Variants in CFAP221 observed in about 807,000 individuals in gnomAD.
CFAP221 encodes the protein cilia and flagella associated protein 221, also known as cilia- and flagella-associated protein 221.
Under a neutral mutation model 113.1 loss-of-function variants are expected in CFAP221, and 97 were observed. The ratio of observed to expected loss-of-function variants is 0.86; its 90% CI spans 0.73 to 1.02. The LOEUF (loss-of-function observed/expected upper bound fraction) is 1.02. Ranked by LOEUF, CFAP221 falls within the 50% of genes least tolerant of loss-of-function variation. The probability of loss-of-function intolerance (pLI) is 0.00; values close to 1 mark genes in which losing one functional copy is unlikely to be tolerated. For synonymous variants in CFAP221, 331 were observed against 354.4 expected (o/e 0.93, Z 0.74); for missense variants, 1,025 against 1,013.4 (o/e 1.01, Z -0.16).
At chr2:119,566,150 A>G (rs1256422125) in intron 6 of CFAP221, among the ~76,000 whole-genome samples, 1 of 152,132 alleles carries the variant, frequency 6.6e-6, no homozygotes, top group Non-Finnish European at 1.5e-5. Context: ...GGAGGAGGAC[A>G]TGCCTGAGCT....
At chr2:119,573,230 T>C (rs1349125705) in intron 6 of CFAP221, 1 of 152,178 alleles carries the variant, frequency 6.6e-6, no homozygotes, top group African/African-American at 2.4e-5. Context: ...TGTAACTGGG[T>C]TAAAATGCAG....
intron 21 of CFAP221, 24 bp from the exon 22 acceptor site, chr2:119,646,933 GA>G: frequency 6.3e-7 from 1 of 1,587,170 alleles, no homozygotes. Context: ...CTCTATCTTT[GA>G]CTGCTTGTGT....
At chr2:119,558,459 C>T (rs899545103) in intron 3 of CFAP221, among the ~76,000 whole-genome samples, 4 of 152,114 alleles carry the variant, frequency 2.6e-5, no homozygotes, top group Non-Finnish European at 5.9e-5. Context: ...GAAGATACAC[C>T]AAAACAGGGT....
At chr2:119,557,593 C>CCTTTCTGCTA (rs1212399039) in intron 3 of CFAP221, among the ~76,000 whole-genome samples, 3 of 152,174 alleles carry the variant, frequency 2.0e-5, no homozygotes, top group African/African-American at 7.2e-5. Flanking sequence ...TTCTGAGTAT[C>CCTTTCTGCTA]CTTTCTGCTA....
intron 22 of CFAP221, among the ~76,000 whole-genome samples, chr2:119,648,844 C>G (rs1687961261): frequency 6.6e-6 from 1 of 152,160 alleles, no homozygotes; most frequent in South Asian, 2.1e-4. Context: ...GCTGCTTTAC[C>G]AAAAGCCAGA....
At chr2:119,631,802 A>G (rs1574189682) in intron 19 of CFAP221, among the ~76,000 whole-genome samples, 1 of 152,222 alleles carries the variant, frequency 6.6e-6, no homozygotes. Context: ...GGCACAAATT[A>G]CCAATGTCAG....
chr2:119,605,288 TG>T lies in CFAP221; in HGVS notation c.1133+1del. On this transcript the variant is annotated frameshift_variant and splice_region_variant, in exon 11 of 24. Transcript: ENST00000413369. LOFTEE classifies it high-confidence loss of function. ...CGAAGAGATGGAAAATCATCTTAAG[TG>T]GTAAATATTGAGCAATTGTTTGTAT... is the stretch of plus-strand genomic sequence containing the variant. ...IHEEMENHLK[W>X]QVHLGKDPMS... 1 of 1,603,938 alleles carries T rather than the reference TG, an allele frequency of 6.2e-7. No individual in the cohort carries two copies. The highest frequency in any genetic ancestry group is 8.5e-7 in the Non-Finnish European group (1 of 1,170,824).
At chr2:119,584,163 A>T (rs933040449) in intron 6 of CFAP221, among the ~76,000 whole-genome samples, 2 of 152,214 alleles carry the variant, frequency 1.3e-5, no homozygotes, top group Non-Finnish European at 2.9e-5. Context: ...CAAAACAATG[A>T]TTGATAAAAC....
At chr2:119,608,764 T>C (rs1476123858) in intron 12 of CFAP221, among the ~76,000 whole-genome samples, 175 bp downstream of exon 12, 1 of 152,208 alleles carries the variant, frequency 6.6e-6, no homozygotes, top group African/African-American at 2.4e-5. Flanking sequence ...ACCAGAGACC[T>C]ATACTAAGTT....
At chr2:119,593,691 T>C (rs1025228377) in intron 7 of CFAP221, among the ~76,000 whole-genome samples, 2 of 151,988 alleles carry the variant, frequency 1.3e-5, no homozygotes, top group African/African-American at 4.8e-5. Flanking sequence ...TACAAAAAAT[T>C]AGCCAGGCGT....
At chr2:119,654,426 A>T (rs1688310397) in intron 23 of CFAP221, among the ~76,000 whole-genome samples, 1 of 152,082 alleles carries the variant, frequency 6.6e-6, no homozygotes, top group East Asian at 1.9e-4. Context: ...TCTACTTCAA[A>T]TATTACCTCT....
chr2:119,595,645 C>T (rs1180702733), intron 7 of CFAP221, among the ~76,000 whole-genome samples: 1 of 152,098 alleles, frequency 6.6e-6, no homozygotes, highest in African/African-American at 2.4e-5. Context: ...TTGGGTACTG[C>T]AGAGAGCAAG....
chr2:119,601,098 G>T (rs114566184), intron 7 of CFAP221, 120 bp from the exon 8 acceptor site: 33,090 of 987,680 alleles, frequency 0.034, 679 homozygotes, highest in Non-Finnish European at 0.039. Context: ...ATTGTGTGGG[G>T]AGTCAGTGCC....
intron 6 of CFAP221, among the ~76,000 whole-genome samples, chr2:119,583,587 G>A (rs1051638309): frequency 1.3e-5 from 2 of 152,040 alleles, no homozygotes; most frequent in African/African-American, 4.8e-5. Flanking sequence ...CAATACACTA[G>A]TAATAAAGAA....
chr2:119,594,194 A>G (rs1291938639), intron 7 of CFAP221, among the ~76,000 whole-genome samples: 1 of 150,166 alleles, frequency 6.7e-6, no homozygotes, highest in Non-Finnish European at 1.5e-5. Flanking sequence ...TTTCTTTAAG[A>G]CTCTGATGAA....
At position 119,656,412 on chromosome 2, in the gene CFAP221, T is replaced by G; in HGVS notation, c.2465T>G (p.Leu822Arg). 6.2e-7 allele frequency: 1 copy of G among 1,613,968 alleles called. No individual in the cohort carries two copies. Among genetic ancestry groups the G allele is most frequent in the Non-Finnish European group, 8.5e-7 (1 of 1,179,974 alleles). ...GCAGAGAAGGCCGGAGAGAAGCTGCTCGAGGAGATGAGGAACCTGCGGGGC... is the reference window on the plus strand; with the variant it reads ...GCAGAGAAGGCCGGAGAGAAGCTGCGCGAGGAGATGAGGAACCTGCGGGGC... ...QPAEKAGEKL[L>R]EEMRNLRGKA... Residue 822 changes from leucine to arginine, a missense_variant, in exon 24 of 24, where the codon CTC (leucine) becomes CGC (arginine). By Grantham distance (102) the Leu-to-Arg change is moderately radical (BLOSUM62 -2). Transcript: ENST00000413369.
chr2:119,623,857 C>T (rs1380489501), intron 14 of CFAP221, among the ~76,000 whole-genome samples: 2 of 152,114 alleles, frequency 1.3e-5, no homozygotes, highest in Non-Finnish European at 2.9e-5. Context: ...ACACTTTATA[C>T]AAAAATTAAC....
intron 11 of CFAP221, among the ~76,000 whole-genome samples, chr2:119,605,650 C>T (rs1262390440): frequency 6.6e-6 from 1 of 152,176 alleles, no homozygotes; most frequent in African/African-American, 2.4e-5. Flanking sequence ...GCTGTGTGCC[C>T]CAGAGGCCTT....
chr2:119,647,283 C>G (rs565269558), intron 22 of CFAP221, among the ~76,000 whole-genome samples: 3 of 152,230 alleles, frequency 2.0e-5, no homozygotes, highest in African/African-American at 7.2e-5. Context: ...TCCAGGAGCT[C>G]AAGGGAGAGA....
Sources: allele counts gnomAD v4.1 joint callset (sites outside exome capture counted in the v4.1 genomes callset), GRCh38; gene constraint gnomAD v4.1.1; transcripts MANE v1.5; gene names NCBI Gene and HGNC (gene_info 2026-07-23, HGNC 2026-07-21).